Variants in EMILIN1 observed in about 807,000 individuals in gnomAD.
EMILIN1 encodes elastin microfibril interfacer 1.
A neutral mutation model predicts 82.4 loss-of-function variants in EMILIN1; 49 were observed. The observed-to-expected ratio is 0.59, with a 90% CI of 0.47 to 0.75. The LOEUF (loss-of-function observed/expected upper bound fraction) is 0.75, where lower values mean the gene tolerates loss of function less well. Among genes scored for constraint, EMILIN1 ranks in the 30% least tolerant of loss-of-function variants. The pLI is 0.00. For missense variants in EMILIN1, 1,313 were observed against 1,366.4 expected (o/e 0.96, Z 0.62); for synonymous variants, 604 against 602.2 (o/e 1.00, Z -0.04).
rs1669629617 is a variant in EMILIN1, at chr2:27,086,145, G to T, written c.*130G>T. The T allele has an allele frequency of 1.6e-6, 1 of 626,986 alleles. No homozygotes were observed. Among genetic ancestry groups the T allele is most frequent in the African/African-American group, 1.9e-5 (1 of 52,432 alleles). 38.8% of individuals were successfully genotyped at this position (626,986 alleles called of 1,614,324 possible). A position where few individuals can be genotyped will look rare whatever the true frequency, so the allele number is the denominator to read the frequency against. On this transcript the variant is annotated 3_prime_UTR_variant, in exon 8 of 8. Transcript: ENST00000380320. Reference sequence around the variant, plus strand: ...GCACCCGGGCCCGCAGCGGCACCGCGCCCAGAGCGGCCTCTCCCCACGCCC... The same window carrying T: ...GCACCCGGGCCCGCAGCGGCACCGCTCCCAGAGCGGCCTCTCCCCACGCCC...
rs1315827630 is a variant in EMILIN1, at chr2:27,080,715, C to T, written c.291-17C>T. On this transcript the variant is annotated splice_polypyrimidine_tract_variant and intron_variant, in intron 2 of 7. Coordinates refer to ENST00000380320, the MANE Select transcript of EMILIN1 (RefSeq NM_007046.4). The stretch of plus-strand genomic sequence containing the variant: ...CGTACAGGGAGGAATAAAGAGGCCT[C>T]CTTCTGCCTCTGCCAGGTACCGCCG... The T allele has an allele frequency of 6.2e-7, 1 of 1,602,260 alleles. No homozygotes were observed. The highest frequency in any genetic ancestry group is 8.5e-7 in the Non-Finnish European group (1 of 1,173,244).
chr2:27,085,777 A>G lies in EMILIN1; in HGVS notation c.2813A>G (p.Gln938Arg). Residue 938 changes from glutamine to arginine, a missense_variant, in exon 8 of 8, where the codon CAG becomes CGG. Transcript: ENST00000380320. ...KVEAVLSRSN[Q>R]GVARVDSGGY... ...GAGGCCGTGCTGTCCCGCTCCAACC[A>G]GGGCGTGGCCCGCGTAGACTCCGGT... 1.9e-6 allele frequency: 3 copies of G among 1,612,698 alleles called. No homozygotes were observed. Among genetic ancestry groups the G allele is most frequent in the Non-Finnish European group, 1.7e-6 (2 of 1,179,820 alleles).
At chr2:27,079,401 A>C (rs924236870) in intron 1 of EMILIN1, among the ~76,000 whole-genome samples, 166 bp downstream of exon 1, 1 of 152,156 alleles carries the variant, frequency 6.6e-6, no homozygotes, top group African/African-American at 2.4e-5. Flanking sequence ...GGCCTTTTCC[A>C]GGACCCCCTG....
Position 27,083,540 on chromosome 2 carries a change from C to T in EMILIN1, c.1969C>T (p.Leu657Phe). Residue 657 changes from leucine to phenylalanine, a missense_variant, in exon 4 of 8, where the codon CTC (leucine) becomes TTC (phenylalanine). Coordinates refer to ENST00000380320, the MANE Select transcript of EMILIN1 (RefSeq NM_007046.4). ...TGAGGTTATTCTCAGCTTCAGCTCC[C>T]TCAATGACTCACTGAATGAGCTCCA... The part of the protein sequence containing the change: ...LSEVILSFSS[L>F]NDSLNELQTT... 1.2e-6 allele frequency: 2 copies of T among 1,614,124 alleles called. No homozygotes were observed. The highest frequency in any genetic ancestry group is 1.7e-6 in the Non-Finnish European group (2 of 1,179,998).
In EMILIN1 at chr2:27,085,143, C is replaced by T. The variant is rs1243732544; in HGVS notation, c.2576-17C>T. 2.5e-6 allele frequency: 4 copies of T among 1,613,960 alleles called. No homozygotes were observed. The highest frequency in any genetic ancestry group is 1.3e-5 in the African/African-American group (1 of 74,940). On this transcript the variant is annotated splice_polypyrimidine_tract_variant and intron_variant, in intron 6 of 7. Coordinates refer to ENST00000380320, the MANE Select transcript of EMILIN1 (RefSeq NM_007046.4). Reference sequence around the variant, plus strand: ...CTGCCCTGAGCATCCCCTTTAACATCCACCCTTCCCACTCAGGAGTGGAGG... The same window carrying T: ...CTGCCCTGAGCATCCCCTTTAACATTCACCCTTCCCACTCAGGAGTGGAGG...
At position 27,082,691 on chromosome 2, in the gene EMILIN1, G is replaced by T. The variant is rs760821968; in HGVS notation, c.1120G>T (p.Gly374Cys). ...GGAGCGCAGGCTGGATGTCGTGGCC[G>T]GCTCAGTGACAGTGCTGAGTGGGCG... ...ELERRLDVVAGSVTVLSGRRG... is the reference protein window; with the variant it reads ...ELERRLDVVACSVTVLSGRRG... The change falls in exon 4 of 8, where the codon GGC becomes TGC. Residue 374 changes from glycine to cysteine, a missense_variant. Gly to Cys is a radical substitution (Grantham distance 159). Transcript: ENST00000380320. 9.0e-6 allele frequency: 14 copies of T among 1,553,864 alleles called. No individual in the cohort carries two copies. In the South Asian group the frequency reaches 1.1e-4, roughly 12 times the overall value.
intron 4 of EMILIN1, 48 bp from the exon 5 acceptor site, chr2:27,084,367 T>C: frequency 8.6e-7 from 1 of 1,165,266 alleles, no homozygotes; most frequent in South Asian, 1.3e-5. Flanking sequence ...CCTTACCCAT[T>C]GGAAACTCCT....
rs1159437498 is a variant in EMILIN1, at chr2:27,084,489, T to C, written c.2515T>C (p.Ser839Pro). 1 of 1,613,082 alleles carries C rather than the reference T, an allele frequency of 6.2e-7. No homozygotes were observed. The highest frequency in any genetic ancestry group is 1.1e-5 in the South Asian group (1 of 91,088). The change falls in exon 5 of 8, where the codon TCA (serine) becomes CCA (proline). Residue 839 changes from serine to proline, a missense_variant. By Grantham distance (74) the Ser-to-Pro change is moderately conservative. Transcript: ENST00000380320. ...GPPGPAGPPGSPGKDGQEGPI... is the reference protein window; with the variant it reads ...GPPGPAGPPGPPGKDGQEGPI... ...CCCAGGCCCTGCTGGACCTCCAGGATCACCAGGCAAGGACGGGCAAGAGGG... is the reference window on the plus strand; with the variant it reads ...CCCAGGCCCTGCTGGACCTCCAGGACCACCAGGCAAGGACGGGCAAGAGGG...
In EMILIN1 at chr2:27,082,742, G is replaced by T. The variant is rs188761759; in HGVS notation, c.1171G>T (p.Ala391Ser). The change falls in exon 4 of 8, where the codon GCG becomes TCG. Residue 391 changes from alanine to serine, a missense_variant. Physicochemically the swap from Ala to Ser is moderately conservative, Grantham distance 99. Coordinates refer to ENST00000380320, the MANE Select transcript of EMILIN1 (RefSeq NM_007046.4). ...GRRGTELGGA[A>S]GQGGHPPGYT... ...GCGAGGCACAGAGCTGGGAGGAGCCGCGGGGCAGGGAGGCCACCCCCCAGG... is the reference window on the plus strand; with the variant it reads ...GCGAGGCACAGAGCTGGGAGGAGCCTCGGGGCAGGGAGGCCACCCCCCAGG... 7.5e-4 allele frequency: 1,159 copies of T among 1,542,120 alleles called. 6 individuals carry two copies. The African/African-American group carries it at 9.1e-3, about 12-fold the overall frequency.
chr2:27,083,440 T>G lies in EMILIN1; in HGVS notation c.1869T>G (p.Arg623=), dbSNP rs1385418918. ...GTCCAGGTGTTGGGGGCCCAAGCCG[T>G]GGGCCCCTGGACGGCTTCAGCGTGT... ...GAGPGVGGPS[R]GPLDGFSVFG... Residue 623 remains arginine (R), a synonymous_variant, in exon 4 of 8, where the codon CGT becomes CGG. Coordinates refer to ENST00000380320, the MANE Select transcript of EMILIN1 (RefSeq NM_007046.4). 2 of 1,612,694 alleles carry G rather than the reference T, an allele frequency of 1.2e-6. No homozygotes were observed. Among genetic ancestry groups the G allele is most frequent in the East Asian group, 4.5e-5 (2 of 44,848 alleles).
intron 1 of EMILIN1, 119 bp downstream of exon 1, chr2:27,079,354 C>T (rs971143627): frequency 2.3e-6 from 2 of 884,196 alleles, no homozygotes; most frequent in Admixed American, 7.3e-5. Context: ...AGAAGCCCAT[C>T]CATCAGGTGG....
At chr2:27,084,225 G>T (rs954540442) in intron 4 of EMILIN1, among the ~76,000 whole-genome samples, 190 bp from the exon 5 acceptor site, 2 of 152,150 alleles carry the variant, frequency 1.3e-5, no homozygotes, top group Non-Finnish European at 2.9e-5. Flanking sequence ...AGGCCTGTGG[G>T]TGGAGAGAGG....
chr2:27,082,005 C>T lies in EMILIN1; in HGVS notation c.512-78C>T, dbSNP rs994082556. The T allele has an allele frequency of 2.1e-5, 30 of 1,458,682 alleles. No homozygotes were observed. In the Admixed American group the frequency reaches 7.6e-4, roughly 37 times the overall value. 90.4% of individuals were successfully genotyped at this position (1,458,682 alleles called of 1,614,324 possible). A position where few individuals can be genotyped will look rare whatever the true frequency, so the allele number is the denominator to read the frequency against. ...GCAGAGCCAGCCTGGGCATCTGACCCTTGCTGGAGCTGGGGTGAGCAGGGG... is the reference window on the plus strand; with the variant it reads ...GCAGAGCCAGCCTGGGCATCTGACCTTTGCTGGAGCTGGGGTGAGCAGGGG... On this transcript the variant is annotated intron_variant, in intron 3 of 7. Coordinates refer to ENST00000380320, the MANE Select transcript of EMILIN1 (RefSeq NM_007046.4).
chr2:27,082,729 G>A lies in EMILIN1; in HGVS notation c.1158G>A (p.Glu386=), dbSNP rs1261148546. The stretch of plus-strand genomic sequence containing the variant: ...TGCTGAGTGGGCGGCGAGGCACAGA[G>A]CTGGGAGGAGCCGCGGGGCAGGGAG... ...VTVLSGRRGT[E]LGGAAGQGGH... is the part of the protein sequence containing the mutation. The change falls in exon 4 of 8, where the codon GAG becomes GAA. Residue 386 remains glutamate (E), a synonymous_variant. Coordinates refer to ENST00000380320, the MANE Select transcript of EMILIN1 (RefSeq NM_007046.4). 6.5e-7 allele frequency: 1 copy of A among 1,546,980 alleles called. No individual in the cohort carries two copies. Among genetic ancestry groups the A allele is most frequent in the Non-Finnish European group, 8.7e-7 (1 of 1,151,460 alleles).
At position 27,083,288 on chromosome 2, in the gene EMILIN1, C is replaced by A. The variant is rs1476703100; in HGVS notation, c.1717C>A (p.Leu573Met). The change falls in exon 4 of 8, where the codon CTG becomes ATG. Residue 573 changes from leucine to methionine, a missense_variant. Transcript: ENST00000380320. ...GGCCCGGCTAGGCCAACTGGAGGGG[C>A]TGCTGCAGGCCCATGGGGATGAGGG... ...TAARLGQLEG[L>M]LQAHGDEGCG... The A allele has an allele frequency of 6.2e-7, 1 of 1,613,084 alleles. No homozygotes were observed. Among genetic ancestry groups the A allele is most frequent in the Non-Finnish European group, 8.5e-7 (1 of 1,179,692 alleles).
At position 27,082,358 on chromosome 2, in the gene EMILIN1, A is replaced by G. The variant is rs979010526; in HGVS notation, c.787A>G (p.Asn263Asp). The G allele has an allele frequency of 6.2e-7, 1 of 1,612,090 alleles. No homozygotes were observed. Among genetic ancestry groups the G allele is most frequent in the Non-Finnish European group, 8.5e-7 (1 of 1,179,784 alleles). The change falls in exon 4 of 8, where the codon AAC becomes GAC. Residue 263 changes from asparagine to aspartate, a missense_variant. Coordinates refer to ENST00000380320, the MANE Select transcript of EMILIN1 (RefSeq NM_007046.4). ...CGACCAGGAGCTGGGTCACCTCAAC[A>G]ACCATCATGGCGGCAGCAGCAGCAG... The part of the protein sequence containing the change: ...THDQELGHLN[N>D]HHGGSSSSGG...
In EMILIN1 at chr2:27,080,941, T is replaced by TG; in HGVS notation, c.506dup (p.Glu170ArgfsTer57). On this transcript the variant is annotated frameshift_variant, in exon 3 of 8. Coordinates refer to ENST00000380320, the MANE Select transcript of EMILIN1 (RefSeq NM_007046.4). LOFTEE classifies it high-confidence loss of function. ...AGTGCAGGCAGCCCCCTCAGTGGAC[T>TG]GGGGGGAGAAGGTGAGTGTGGGAGC... The TG allele has an allele frequency of 1.3e-6, 2 of 1,588,834 alleles. No homozygotes were observed. The highest frequency in any genetic ancestry group is 1.7e-6 in the Non-Finnish European group (2 of 1,166,638).
intron 4 of EMILIN1, 58 bp from the exon 5 acceptor site, chr2:27,084,357 C>T (rs540560732): frequency 1.9e-6 from 2 of 1,039,284 alleles, no homozygotes; most frequent in Admixed American, 4.0e-5. Context: ...CACCCACCTT[C>T]CTTACCCATT....
rs11693182 is a variant in EMILIN1 at position 27,082,576 on chromosome 2, G to A, written c.1005G>A (p.Glu335=). 3,836 of 1,542,426 alleles carry A rather than the reference G, an allele frequency of 2.5e-3. 72 individuals are homozygous for A. The African/African-American group carries it at 0.047, about 19-fold the overall frequency. Residue 335 remains glutamate (E), a synonymous_variant, in exon 4 of 8, where the codon GAG becomes GAA. Coordinates refer to ENST00000380320, the MANE Select transcript of EMILIN1 (RefSeq NM_007046.4). ...AMEKLLASVE[E]RQRHLAGLAV... ...AGAAGCTGCTGGCCTCGGTGGAGGA[G>A]CGGCAACGGCACCTCGCAGGGCTGG...
Sources: gnomAD v4.1 joint callset for allele counts (sites outside exome capture counted in the v4.1 genomes callset) on GRCh38, gnomAD v4.1.1 for gene constraint, MANE v1.5 for transcripts, NCBI Gene and HGNC (gene_info 2026-07-23, HGNC 2026-07-21) for gene names.